LIMK2: variants seen among roughly 807,000 people sequenced by gnomAD.
The protein encoded by LIMK2 is LIM domain kinase 2.
LIMK2 carries 35 observed loss-of-function variants against 75.7 expected under a neutral mutation model. That is an observed-to-expected ratio of 0.46 (90% confidence interval 0.35 to 0.61). The LOEUF (loss-of-function observed/expected upper bound fraction) is 0.61. Ranked by LOEUF, LIMK2 falls within the 20% of genes least tolerant of loss-of-function variation. LIMK2 has a pLI of 0.00. For missense variants in LIMK2, 623 were observed against 831.0 expected (o/e 0.75, Z 3.08); for synonymous variants, 301 against 319.2 (o/e 0.94, Z 0.61).
At chr22:31,268,028 G>T (rs1328036603) in intron 10 of LIMK2, 116 bp from the exon 11 acceptor site, 20 of 1,532,060 alleles carry the variant, frequency 1.3e-5, no homozygotes, top group Admixed American at 3.3e-5. Flanking sequence ...GACCATGCTG[G>T]GTGGGACTGA....
At chr22:31,261,004 G>C (rs1437211509) in intron 5 of LIMK2, among the ~76,000 whole-genome samples, 1 of 152,200 alleles carries the variant, frequency 6.6e-6, no homozygotes, top group Non-Finnish European at 1.5e-5. Flanking sequence ...AAAGCCTAAA[G>C]GTATAGAGAC....
At chr22:31,254,145 T>C (rs2048753327) in intron 2 of LIMK2, among the ~76,000 whole-genome samples, 1 of 152,198 alleles carries the variant, frequency 6.6e-6, no homozygotes, top group Non-Finnish European at 1.5e-5. Context: ...GGCCTGGCTG[T>C]CTCCTGCATG....
intron 1 of LIMK2, among the ~76,000 whole-genome samples, chr22:31,218,947 G>A (rs769363818): frequency 7.2e-5 from 11 of 152,196 alleles, no homozygotes; most frequent in Admixed American, 2.0e-4. Context: ...CTCAGTGCTT[G>A]AGGATTTCTC....
intron 1 of LIMK2, among the ~76,000 whole-genome samples, chr22:31,225,260 C>G (rs558663309): frequency 6.1e-4 from 93 of 152,124 alleles, no homozygotes; most frequent in South Asian, 1.4e-3. Context: ...ATGGAAAAAT[C>G]TGAAAAAACA....
At chr22:31,272,886 A>G (rs1284605559) in intron 13 of LIMK2, 182 bp downstream of exon 13, 1 of 1,390,516 alleles carries the variant, frequency 7.2e-7, no homozygotes, top group Non-Finnish European at 9.3e-7. Flanking sequence ...GGGGGCTGGG[A>G]ACTGATCAGT....
At chr22:31,266,228 T>C (rs1274744519) in intron 8 of LIMK2, 96 bp downstream of exon 8, 4 of 1,248,904 alleles carry the variant, frequency 3.2e-6, no homozygotes, top group East Asian at 5.0e-5. Flanking sequence ...CCCCACACCA[T>C]GCAGGATGCC....
intron 2 of LIMK2, among the ~76,000 whole-genome samples, chr22:31,227,582 T>G (rs538110945): frequency 1.1e-4 from 17 of 152,334 alleles, no homozygotes; most frequent in African/African-American, 3.8e-4. Context: ...TCTGTTCCAT[T>G]TAGTATGACA....
At chr22:31,276,840 C>G (rs993034286) in intron 15 of LIMK2, 2 of 1,611,936 alleles carry the variant, frequency 1.2e-6, no homozygotes, top group Non-Finnish European at 1.7e-6. Flanking sequence ...ATGATGAGGG[C>G]CCAGTGAGGC....
intron 2 of LIMK2, among the ~76,000 whole-genome samples, chr22:31,253,390 C>G (rs1171363464): frequency 6.6e-6 from 1 of 152,204 alleles, no homozygotes; most frequent in South Asian, 2.1e-4. Flanking sequence ...TCGAGTAGCA[C>G]CTTACAGTTC....
chr22:31,262,236 G>A lies in LIMK2; in HGVS notation c.654G>A (p.Glu218=), dbSNP rs777185924. The A allele has an allele frequency of 6.2e-7, 1 of 1,607,650 alleles. No homozygotes were observed. Among genetic ancestry groups the A allele is most frequent in the Non-Finnish European group, 8.5e-7 (1 of 1,174,036 alleles). The change falls in exon 6 of 16, where the codon GAG becomes GAA. Residue 218 remains glutamate, a synonymous_variant. Coordinates refer to ENST00000331728, the MANE Select transcript of LIMK2 (RefSeq NM_005569.4). The surrounding 1 kb of genome is among the most constrained non-coding windows in gnomAD (Gnocchi z 5.0). The stretch of plus-strand genomic sequence containing the variant: ...CCCCCGTCCGCACACTTCGAGTGGA[G>A]GAGGTAGAGTGTGTGTCTAATCTGT... ...NGTPVRTLRV[E]EVEDAISQTS... is the part of the protein sequence containing the mutation.
At chr22:31,272,451 T>C (rs1423170771) in intron 12 of LIMK2, 79 bp from the exon 13 acceptor site, 7 of 1,381,924 alleles carry the variant, frequency 5.1e-6, no homozygotes, top group African/African-American at 1.4e-5. Context: ...CTCAGTGGCT[T>C]CTCTTGCCTA....
At chr22:31,246,368 GAA>G (rs796156338) in intron 2 of LIMK2, among the ~76,000 whole-genome samples, 5 of 98,904 alleles carry the variant, frequency 5.1e-5, no homozygotes, top group Admixed American at 2.1e-4. Flanking sequence ...AATCTCAAAA[GAA>G]AAAAAAAAAA....
At chr22:31,277,930 GGAGT>G (rs1251130101) in intron 15 of LIMK2, among the ~76,000 whole-genome samples, 1 of 152,158 alleles carries the variant, frequency 6.6e-6, no homozygotes, top group Non-Finnish European at 1.5e-5. Context: ...TGGAGGAGGA[GGAGT>G]AAGCCTGAGC....
chr22:31,267,746 C>G, intron 9 of LIMK2, 30 bp from the exon 10 acceptor site: 1 of 1,569,682 alleles, frequency 6.4e-7, no homozygotes, highest in South Asian at 1.2e-5. Context: ...AAGTTAACCA[C>G]CAGCTTTCCT....
chr22:31,229,486 A>G (rs965453979), intron 2 of LIMK2, among the ~76,000 whole-genome samples: 9 of 152,094 alleles, frequency 5.9e-5, no homozygotes, highest in Non-Finnish European at 2.9e-5. Flanking sequence ...CCAGCTTGCC[A>G]GTGTTTCTCT....
chr22:31,220,831 G>A (rs938239389), intron 1 of LIMK2, among the ~76,000 whole-genome samples: 1 of 152,126 alleles, frequency 6.6e-6, no homozygotes, highest in African/African-American at 2.4e-5. Context: ...GCGTCGTGGC[G>A]CATGCCCACA....
At chr22:31,232,346 T>G (rs1381640275) in intron 2 of LIMK2, among the ~76,000 whole-genome samples, 2 of 152,052 alleles carry the variant, frequency 1.3e-5, no homozygotes, top group Non-Finnish European at 2.9e-5. Context: ...GGCAAGTTCC[T>G]TAGCCCCTGT....
At chr22:31,228,665 G>T (rs2048499457) in intron 2 of LIMK2, among the ~76,000 whole-genome samples, 1 of 152,178 alleles carries the variant, frequency 6.6e-6, no homozygotes, top group Admixed American at 6.6e-5. Flanking sequence ...GGACGTGGTG[G>T]CTTATGCCTG....
chr22:31,271,183 C>T lies in LIMK2; in HGVS notation c.1365C>T (p.His455=). ...MCIIHRDLNS[H]NCLIKLDKTV... is the part of the protein sequence containing the mutation. Reference sequence around the variant, plus strand: ...TCATCCACCGGGATCTGAACTCGCACAACTGCCTCATCAAGTTGGTATGTC... The same window carrying T: ...TCATCCACCGGGATCTGAACTCGCATAACTGCCTCATCAAGTTGGTATGTC... Residue 455 remains histidine, a synonymous_variant, in exon 12 of 16, where the codon CAC becomes CAT. Transcript: ENST00000331728. 6.2e-7 allele frequency: 1 copy of T among 1,614,060 alleles called. No homozygotes were observed. Among genetic ancestry groups the T allele is most frequent in the Non-Finnish European group, 8.5e-7 (1 of 1,179,936 alleles).
Sources: gnomAD v4.1 joint callset for allele counts (sites outside exome capture counted in the v4.1 genomes callset) on GRCh38, gnomAD v4.1.1 for gene constraint, Gnocchi (gnomAD v3.1) non-coding constraint, MANE v1.5 for transcripts, NCBI Gene and HGNC (gene_info 2026-07-23, HGNC 2026-07-21) for gene names.